The following KIAA0825 variants were observed in gnomAD, a reference collection of about 807,000 sequenced individuals.
KIAA0825 encodes the protein uncharacterized protein KIAA0825.
KIAA0825 carries 119 observed loss-of-function variants against 147.6 expected under a neutral mutation model. The ratio of observed to expected loss-of-function variants is 0.81; its 90% CI spans 0.69 to 0.94. The LOEUF is 0.94. KIAA0825 is among the 40% of genes least tolerant of loss of function. The pLI, the probability that KIAA0825 is intolerant of heterozygous loss-of-function variation, is 0.00. For synonymous variants in KIAA0825, 470 were observed against 518.1 expected, an observed-to-expected ratio of 0.91 and a Z score of 1.26; for missense variants, 1,381 against 1,472.7, an observed-to-expected ratio of 0.94 and a Z score of 1.02.
intron 20 of KIAA0825, among the ~76,000 whole-genome samples, chr5:94,264,609 C>T (rs1776659184): frequency 6.6e-6 from 1 of 152,068 alleles, no homozygotes; most frequent in Non-Finnish European, 1.5e-5. Flanking sequence ...TGAACTTTTG[C>T]TTACACTATT....
intron 20 of KIAA0825, among the ~76,000 whole-genome samples, chr5:94,362,519 CT>C (rs1424270473): frequency 6.6e-6 from 1 of 152,070 alleles, no homozygotes; most frequent in Non-Finnish European, 1.5e-5. Context: ...CCTTGGCTAC[CT>C]GGCTGACTCA....
chr5:94,371,576 C>T (rs1169198510), intron 20 of KIAA0825, among the ~76,000 whole-genome samples: 1 of 152,168 alleles, frequency 6.6e-6, no homozygotes, highest in Admixed American at 6.5e-5. Context: ...ATTAAACCAT[C>T]AGATATCATG....
chr5:94,390,642 A>C (rs1323222879), intron 18 of KIAA0825, among the ~76,000 whole-genome samples: 1 of 152,224 alleles, frequency 6.6e-6, no homozygotes, highest in African/African-American at 2.4e-5. Flanking sequence ...TATGAAATCC[A>C]GGAAACAAGA....
chr5:94,210,812 G>A (rs1772641313), intron 20 of KIAA0825, among the ~76,000 whole-genome samples: 1 of 152,106 alleles, frequency 6.6e-6, no homozygotes, highest in African/African-American at 2.4e-5. Flanking sequence ...TTAGGTCTAG[G>A]GTGTGGATTT....
chr5:94,256,924 C>G (rs772975243), intron 20 of KIAA0825, among the ~76,000 whole-genome samples: 4 of 152,078 alleles, frequency 2.6e-5, no homozygotes, highest in Admixed American at 6.6e-5. Flanking sequence ...ATTCATCTCT[C>G]TGTGACAATT....
intron 20 of KIAA0825, among the ~76,000 whole-genome samples, chr5:94,259,782 A>G (rs1041095507): frequency 4.0e-5 from 6 of 151,896 alleles, no homozygotes; most frequent in African/African-American, 1.4e-4. Context: ...TCTAATTTAT[A>G]TTATCTTTAA....
intron 2 of KIAA0825, among the ~76,000 whole-genome samples, chr5:94,581,277 TAATC>T (rs1363009888): frequency 3.9e-5 from 6 of 152,238 alleles, no homozygotes; most frequent in Non-Finnish European, 7.3e-5. Flanking sequence ...ACATTTTTCT[TAATC>T]AAATACTGAA....
intron 14 of KIAA0825, among the ~76,000 whole-genome samples, chr5:94,434,347 C>A (rs1173316671): frequency 6.6e-6 from 1 of 152,186 alleles, no homozygotes; most frequent in Non-Finnish European, 1.5e-5. Flanking sequence ...TAAATCCTTA[C>A]CATTCACTTA....
intron 17 of KIAA0825, among the ~76,000 whole-genome samples, chr5:94,395,887 A>G (rs1193808819): frequency 6.6e-6 from 1 of 152,184 alleles, no homozygotes. Flanking sequence ...ATAATGTTCC[A>G]GTGTGTCAAT....
chr5:94,262,368 G>A (rs1776538815), intron 20 of KIAA0825, among the ~76,000 whole-genome samples: 1 of 151,880 alleles, frequency 6.6e-6, no homozygotes, highest in Non-Finnish European at 1.5e-5. Flanking sequence ...TGGAATACAT[G>A]ATAAAATTTA....
At chr5:94,571,699 T>C (rs1271499987) in intron 2 of KIAA0825, among the ~76,000 whole-genome samples, 1 of 152,206 alleles carries the variant, frequency 6.6e-6, no homozygotes, top group African/African-American at 2.4e-5. Context: ...AGTTATACCA[T>C]TACAGAGTCA....
chr5:94,553,928 A>T (rs1308598216), intron 2 of KIAA0825, among the ~76,000 whole-genome samples: 1 of 152,220 alleles, frequency 6.6e-6, no homozygotes, highest in East Asian at 1.9e-4. Flanking sequence ...AACGGACTTG[A>T]CTATTTTGTT....
chr5:94,480,104 T>C (rs1460198118), intron 6 of KIAA0825, among the ~76,000 whole-genome samples: 1 of 152,092 alleles, frequency 6.6e-6, no homozygotes, highest in Non-Finnish European at 1.5e-5. Flanking sequence ...ACCATCCAGA[T>C]ATAGTCGTGT....
chr5:94,150,954 C>T lies in KIAA0825; in HGVS notation c.*3053G>A, dbSNP rs1766434564. On this transcript the variant is annotated 3_prime_UTR_variant, in exon 21 of 21. Coordinates refer to ENST00000682413, the MANE Select transcript of KIAA0825 (RefSeq NM_001145678.3). ...TAAAATAGATATCTCTATATAATTA[C>T]ATAAAAATACAATTAAGCAGAACAC... is the stretch of plus-strand genomic sequence containing the variant. Among the ~76,000 whole-genome samples, 1 of 151,998 alleles carries T rather than the reference C, an allele frequency of 6.6e-6. No homozygotes were observed. Among genetic ancestry groups the T allele is most frequent in the African/African-American group, 2.4e-5 (1 of 41,394 alleles).
chr5:94,524,424 T>G (rs552677092), intron 3 of KIAA0825, among the ~76,000 whole-genome samples: 1 of 151,702 alleles, frequency 6.6e-6, no homozygotes, highest in East Asian at 1.9e-4. Context: ...AAGGGAGAGA[T>G]AAAATACTGA....
chr5:94,545,883 G>A (rs1225685799), intron 2 of KIAA0825, among the ~76,000 whole-genome samples: 1 of 152,200 alleles, frequency 6.6e-6, no homozygotes, highest in East Asian at 1.9e-4. Flanking sequence ...CTCAGCCACA[G>A]TGGGGTAGAG....
At chr5:94,440,174 T>G in intron 13 of KIAA0825, 53 bp from the exon 14 acceptor site, 2 of 1,501,594 alleles carry the variant, frequency 1.3e-6, no homozygotes, top group Non-Finnish European at 1.8e-6. Flanking sequence ...ATCTATGAAA[T>G]TAATAGCCTT....
At chr5:94,573,889 T>C (rs1288771017) in intron 2 of KIAA0825, among the ~76,000 whole-genome samples, 1 of 152,102 alleles carries the variant, frequency 6.6e-6, no homozygotes, top group Non-Finnish European at 1.5e-5. Context: ...ATAAAACCCA[T>C]CTGATAAGAA....
At position 94,608,533 on chromosome 5, in the gene KIAA0825, C is replaced by G. The variant is rs771624844; in HGVS notation, c.-153+9967G>C. 4.0e-5 allele frequency among the ~76,000 whole-genome samples: 3 copies of G among 75,192 alleles called. No homozygotes were observed. The South Asian group carries it at 1.4e-3, about 36-fold the overall frequency. The allele number at this position is 75,192 out of a possible 152,430, so 49.3% of individuals were successfully genotyped here. On this transcript the variant is annotated intron_variant, in intron 1 of 20. Coordinates refer to ENST00000682413, the MANE Select transcript of KIAA0825 (RefSeq NM_001145678.3). Reference sequence around the variant, plus strand: ...TTTTTTTTTAGAGATGGGGTTTCACCCTGTTGGCCAGGCTGTTCTTGAATT... The same window carrying G: ...TTTTTTTTTAGAGATGGGGTTTCACGCTGTTGGCCAGGCTGTTCTTGAATT...
Sources: gnomAD v4.1 joint callset for allele counts (sites outside exome capture counted in the v4.1 genomes callset) on GRCh38, gnomAD v4.1.1 for gene constraint, MANE v1.5 for transcripts, NCBI Gene and HGNC (gene_info 2026-07-23, HGNC 2026-07-21) for gene names.